Variants in PTPRN2 observed in about 807,000 individuals in gnomAD.
The protein encoded by PTPRN2 is protein tyrosine phosphatase receptor type N2.
Under a neutral mutation model 118.8 loss-of-function variants are expected in PTPRN2, and 74 were observed. The observed-to-expected ratio is 0.62, with a 90% CI of 0.52 to 0.76. The LOEUF (loss-of-function observed/expected upper bound fraction) is 0.76. Ranked by LOEUF, PTPRN2 falls within the 30% of genes least tolerant of loss-of-function variation. PTPRN2 has a pLI of 0.00. For synonymous variants in PTPRN2, 641 were observed against 608.0 expected, an observed-to-expected ratio of 1.05 and a Z score of -0.80; for missense variants, 1,481 against 1,394.4, an observed-to-expected ratio of 1.06 and a Z score of -0.99.
In PTPRN2 at chr7:158,058,714, C is replaced by T. The variant is rs369512023; in HGVS notation, c.1723+22584G>A. ...CCACGGTGACACATCACTGCAGCCA[C>T]GCTCCATCTGCCCACGGTGAGACAT... On this transcript the variant is annotated intron_variant, in intron 11 of 22. Coordinates refer to ENST00000389418, the MANE Select transcript of PTPRN2 (RefSeq NM_002847.5). Among the ~76,000 whole-genome samples, 15 of 98,256 alleles carry T rather than the reference C, an allele frequency of 1.5e-4. No homozygotes were observed. The South Asian group carries it at 3.5e-3, about 23-fold the overall frequency. The allele number at this position is 98,256 out of a possible 152,430, so 64.5% of individuals were successfully genotyped here. A position where few individuals can be genotyped will look rare whatever the true frequency, so the allele number is the denominator to read the frequency against.
At chr7:158,382,339 T>G (rs1284672806) in intron 2 of PTPRN2, among the ~76,000 whole-genome samples, 1 of 152,102 alleles carries the variant, frequency 6.6e-6, no homozygotes, top group African/African-American at 2.4e-5. Flanking sequence ...CCACACAACC[T>G]CACCCACTTT....
intron 14 of PTPRN2, among the ~76,000 whole-genome samples, chr7:157,623,127 G>T (rs1803368949): frequency 6.6e-6 from 1 of 152,192 alleles, no homozygotes; most frequent in African/African-American, 2.4e-5. Flanking sequence ...TTTCTTTTGA[G>T]ACAATCATTA....
At chr7:158,352,587 A>G (rs1281444914) in intron 2 of PTPRN2, among the ~76,000 whole-genome samples, 1 of 152,214 alleles carries the variant, frequency 6.6e-6, no homozygotes, top group Non-Finnish European at 1.5e-5. Context: ...GAGGTCAGGC[A>G]GCAGAAGCAT....
chr7:158,477,073 T>C (rs1431088750), intron 2 of PTPRN2, among the ~76,000 whole-genome samples: 1 of 152,256 alleles, frequency 6.6e-6, no homozygotes, highest in Admixed American at 6.5e-5. Context: ...TTAGGTTTTA[T>C]TCATTGGAAT....
chr7:158,362,277 C>T (rs748642819), intron 2 of PTPRN2, among the ~76,000 whole-genome samples: 1 of 152,242 alleles, frequency 6.6e-6, no homozygotes, highest in Non-Finnish European at 1.5e-5. Flanking sequence ...CCAAGGCCAG[C>T]ACTGTCCTGT....
rs117738700 is a variant in PTPRN2, at chr7:158,219,074, G to A, written c.278-13801C>T. ...TCAAACTCAACCCTTGATCAACTGG[G>A]TCTTCTAGATGTCTACAGACTACCC... is the stretch of plus-strand genomic sequence containing the variant. On this transcript the variant is annotated intron_variant, in intron 3 of 22. Transcript: ENST00000389418. Among the ~76,000 whole-genome samples, 40 of 152,076 alleles carry A rather than the reference G, an allele frequency of 2.6e-4. No homozygotes were observed. In the East Asian group the frequency reaches 7.7e-3, roughly 29 times the overall value.
At chr7:158,295,902 G>A (rs978288767) in intron 3 of PTPRN2, among the ~76,000 whole-genome samples, 7 of 152,214 alleles carry the variant, frequency 4.6e-5, no homozygotes, top group Admixed American at 6.5e-5. Flanking sequence ...GTGAGCTGTC[G>A]AATCCTCATT....
intron 11 of PTPRN2, among the ~76,000 whole-genome samples, chr7:158,025,550 C>G (rs1373447423): frequency 1.3e-5 from 2 of 152,210 alleles, no homozygotes; most frequent in African/African-American, 4.8e-5. Context: ...TAACTCCACA[C>G]AGAACAAACA....
chr7:158,001,497 G>A (rs1174465081), intron 11 of PTPRN2, among the ~76,000 whole-genome samples: 6 of 152,072 alleles, frequency 3.9e-5, no homozygotes, highest in African/African-American at 1.2e-4. Context: ...CTATACCCAT[G>A]ACCCCTCAGG....
intron 22 of PTPRN2, among the ~76,000 whole-genome samples, chr7:157,547,382 C>G (rs221272): frequency 6.6e-6 from 1 of 151,884 alleles, no homozygotes; most frequent in South Asian, 2.1e-4. Context: ...ATGGTCAGTG[C>G]GGCAAGATGG....
At position 158,529,586 on chromosome 7, in the gene PTPRN2, G is replaced by C. The variant is rs920084652; in HGVS notation, c.113-39801C>G. Among the ~76,000 whole-genome samples the C allele has an allele frequency of 6.6e-6, 1 of 152,192 alleles. No homozygotes were observed. The highest frequency in any genetic ancestry group is 2.4e-5 in the African/African-American group (1 of 41,434). ...TTTTTGACCAAAATGAGTCAAATGT[G>C]GGGAGAGTGGCAACTGTGTGAGTCT... is the stretch of plus-strand genomic sequence containing the variant. On this transcript the variant is annotated intron_variant, in intron 1 of 22. Transcript: ENST00000389418. The surrounding 1 kb of genome is among the most constrained non-coding windows in gnomAD (Gnocchi z 4.7).
chr7:158,523,427 A>AAGCGGAGTCTGCCCTGG (rs1563392402), intron 1 of PTPRN2, among the ~76,000 whole-genome samples: 3 of 60,848 alleles, frequency 4.9e-5, no homozygotes, highest in African/African-American at 1.1e-4. Context: ...GTCTGCCCTG[A>AAGCGGAGTCTGCCCTGG]AGCGGAGTCT....
intron 2 of PTPRN2, among the ~76,000 whole-genome samples, chr7:158,340,508 C>G (rs1357109040): frequency 2.4e-5 from 3 of 126,494 alleles, no homozygotes; most frequent in Non-Finnish European, 5.2e-5. Flanking sequence ...GCAGACGTCA[C>G]TCACACCCAC....
At chr7:158,085,803 CATGCCCATCCACACCCACG>C (rs1813345488) in intron 10 of PTPRN2, among the ~76,000 whole-genome samples, 2 of 127,282 alleles carry the variant, frequency 1.6e-5, no homozygotes, top group African/African-American at 5.8e-5. Context: ...CCCATCCACA[CATGCCCATCCACACCCACG>C]ATGCCCATCC....
At chr7:158,151,238 T>C (rs28482769) in intron 6 of PTPRN2, among the ~76,000 whole-genome samples, 1 of 5,804 alleles carries the variant, frequency 1.7e-4, no homozygotes, top group African/African-American at 1.2e-3. Flanking sequence ...CTGCCCACAC[T>C]GCTCACCTTT....
At chr7:158,481,476 A>G (rs1366238344) in intron 2 of PTPRN2, among the ~76,000 whole-genome samples, 1 of 152,140 alleles carries the variant, frequency 6.6e-6, no homozygotes, top group Non-Finnish European at 1.5e-5. Context: ...ATATATACAA[A>G]TATTTTGAGG....
intron 22 of PTPRN2, among the ~76,000 whole-genome samples, chr7:157,541,971 C>T (rs1267740139): frequency 3.3e-5 from 5 of 152,218 alleles, no homozygotes; most frequent in Admixed American, 6.5e-5. Flanking sequence ...TCTTAGTGTA[C>T]GTGTTAGAAC....
intron 3 of PTPRN2, among the ~76,000 whole-genome samples, chr7:158,268,222 AGCGGG>A (rs947471624): frequency 6.7e-6 from 1 of 149,860 alleles, no homozygotes; most frequent in African/African-American, 2.5e-5. Flanking sequence ...ACGCACACAG[AGCGGG>A]GTGTGAGATA....
intron 12 of PTPRN2, among the ~76,000 whole-genome samples, chr7:157,832,309 C>G (rs1585578554): frequency 6.6e-6 from 1 of 152,224 alleles, no homozygotes; most frequent in South Asian, 2.1e-4. Context: ...TGTGCTGTGG[C>G]TGCGCTCACA....
Sources: allele counts gnomAD v4.1 joint callset (sites outside exome capture counted in the v4.1 genomes callset), GRCh38; gene constraint gnomAD v4.1.1; non-coding constraint Gnocchi (gnomAD v3.1); transcripts MANE v1.5; gene names NCBI Gene and HGNC (gene_info 2026-07-23, HGNC 2026-07-21).